The following TXLNB variants were observed in gnomAD, a reference collection of about 807,000 sequenced individuals.
TXLNB encodes the protein taxilin beta.
Under a neutral mutation model 57.4 loss-of-function variants are expected in TXLNB, and 37 were observed. That is an observed-to-expected ratio of 0.64 (90% CI 0.50 to 0.85). TXLNB has a LOEUF of 0.85. Among genes scored for constraint, TXLNB ranks in the 40% least tolerant of loss-of-function variants. TXLNB has a pLI of 0.00. For missense variants in TXLNB, 848 were observed against 825.6 expected (o/e 1.03, Z -0.33); for synonymous variants, 302 against 309.6 (o/e 0.98, Z 0.26).
downstream of TXLNB, chr6:139,237,638 T>C (rs1207443173): frequency 6.6e-6 from 1 of 152,180 alleles, no homozygotes; most frequent in African/African-American, 2.4e-5. Context: ...CCTTTTCCTC[T>C]TGTAACATAA....
chr6:139,284,512 G>A (rs766976026), intron 2 of TXLNB, among the ~76,000 whole-genome samples: 1 of 145,382 alleles, frequency 6.9e-6, no homozygotes, highest in African/African-American at 2.5e-5. Context: ...TGGCAACAGA[G>A]TGAGACTCTG....
the TXLNB span, among the ~76,000 whole-genome samples, chr6:139,184,442 A>G: frequency 6.6e-6 from 1 of 152,232 alleles, no homozygotes; most frequent in African/African-American, 2.4e-5. Flanking sequence ...CCCCTATTTT[A>G]GAAAAAGAAC....
At chr6:139,167,165 C>T in the TXLNB span, 102 of 1,614,086 alleles carry the variant, frequency 6.3e-5, no homozygotes, top group Non-Finnish European at 8.0e-5. Context: ...GAAGTTCATT[C>T]TGGCCGCGCT....
At chr6:139,213,304 G>C in the TXLNB span, among the ~76,000 whole-genome samples, 1 of 152,264 alleles carries the variant, frequency 6.6e-6, no homozygotes, top group South Asian at 2.1e-4. Context: ...AATCAAACTA[G>C]AACTCAGGAT....
At chr6:139,161,183 C>T in the TXLNB span, among the ~76,000 whole-genome samples, 3 of 152,084 alleles carry the variant, frequency 2.0e-5, no homozygotes, top group Non-Finnish European at 1.5e-5. Context: ...TGACTATTCC[C>T]GAGGTCCACC....
chr6:139,293,966 A>G (rs531657055), upstream of TXLNB, among the ~76,000 whole-genome samples: 1 of 152,328 alleles, frequency 6.6e-6, no homozygotes, highest in East Asian at 1.9e-4. Context: ...AAATATAAAC[A>G]AGTCAGTGCT....
chr6:139,194,006 C>A, the TXLNB span, among the ~76,000 whole-genome samples: 1 of 149,076 alleles, frequency 6.7e-6, no homozygotes, highest in South Asian at 2.1e-4. Flanking sequence ...CACGCCCGGC[C>A]AATTTTTTGT....
intron 7 of TXLNB, among the ~76,000 whole-genome samples, chr6:139,248,298 C>T (rs1323310036): frequency 6.7e-6 from 1 of 150,204 alleles, no homozygotes; most frequent in African/African-American, 2.5e-5. Context: ...AAGTTTGAGA[C>T]CATTCTGGCC....
intron 1 of TXLNB, among the ~76,000 whole-genome samples, chr6:139,290,380 A>G (rs1200270469): frequency 6.6e-6 from 1 of 152,232 alleles, no homozygotes; most frequent in Admixed American, 6.5e-5. Flanking sequence ...ACTTCGTCTC[A>G]AAAACTAAAC....
At chr6:139,187,646 G>A in the TXLNB span, among the ~76,000 whole-genome samples, 1 of 152,176 alleles carries the variant, frequency 6.6e-6, no homozygotes, top group African/African-American at 2.4e-5. Flanking sequence ...GGTAAGTACA[G>A]AACTCTGCTG....
chr6:139,203,989 G>C, the TXLNB span, among the ~76,000 whole-genome samples: 3,275 of 152,142 alleles, frequency 0.022, 121 homozygotes, highest in African/African-American at 0.075. Context: ...TAAACTTCAA[G>C]TGCATCTCTC....
chr6:139,206,478 C>G, the TXLNB span, among the ~76,000 whole-genome samples: 1 of 152,102 alleles, frequency 6.6e-6, no homozygotes, highest in Non-Finnish European at 1.5e-5. Context: ...ACCATCCTAG[C>G]TAACATGGTG....
the TXLNB span, among the ~76,000 whole-genome samples, chr6:139,190,986 A>G: frequency 1.3e-5 from 2 of 152,182 alleles, no homozygotes; most frequent in African/African-American, 2.4e-5. Context: ...CCTGTTTCCC[A>G]ATCCCTGTAC....
chr6:139,249,491 C>G (rs1026140149), intron 7 of TXLNB, among the ~76,000 whole-genome samples: 1 of 152,128 alleles, frequency 6.6e-6, no homozygotes, highest in Non-Finnish European at 1.5e-5. Context: ...ACTGGATAGA[C>G]CAGGAAGGCT....
chr6:139,319,599 A>C, the TXLNB span, among the ~76,000 whole-genome samples: 21 of 151,210 alleles, frequency 1.4e-4, no homozygotes, highest in African/African-American at 5.1e-4. Context: ...CCATCTCTAC[A>C]AAAAAAAATT....
chr6:139,171,670 C>T, the TXLNB span, among the ~76,000 whole-genome samples: 2 of 152,010 alleles, frequency 1.3e-5, no homozygotes, highest in Non-Finnish European at 2.9e-5. Flanking sequence ...GTCACCCTGG[C>T]TGGCTGGAAA....
the TXLNB span, among the ~76,000 whole-genome samples, chr6:139,198,428 A>G: frequency 6.6e-6 from 1 of 152,124 alleles, no homozygotes; most frequent in African/African-American, 2.4e-5. Context: ...ACTATAAGGA[A>G]GGAAGCCTGG....
At chr6:139,160,994 T>C in the TXLNB span, among the ~76,000 whole-genome samples, 1 of 152,128 alleles carries the variant, frequency 6.6e-6, no homozygotes, top group Non-Finnish European at 1.5e-5. Flanking sequence ...CAGACACCTC[T>C]CTTCTGTTAT....
the TXLNB span, among the ~76,000 whole-genome samples, chr6:139,198,144 C>G: frequency 6.6e-6 from 1 of 151,414 alleles, no homozygotes; most frequent in Non-Finnish European, 1.5e-5. Flanking sequence ...CTATTTCTGG[C>G]AATGTTTCCT....
Sources: gnomAD v4.1 joint callset for allele counts (sites outside exome capture counted in the v4.1 genomes callset) on GRCh38, gnomAD v4.1.1 for gene constraint, MANE v1.5 for transcripts, NCBI Gene and HGNC (gene_info 2026-07-23, HGNC 2026-07-21) for gene names.